NOTCH2NLC: variants seen among roughly 807,000 people sequenced by gnomAD.
The protein encoded by NOTCH2NLC is notch 2 N-terminal like C.
In NOTCH2NLC, 4 loss-of-function variants were observed where a neutral mutation model predicts 17.7. That is an observed-to-expected ratio of 0.23 (90% CI 0.11 to 0.52). The LOEUF (loss-of-function observed/expected upper bound fraction) is 0.52, where lower values mean the gene tolerates loss of function less well. Among genes scored for constraint, NOTCH2NLC ranks in the 20% least tolerant of loss-of-function variants. NOTCH2NLC has a pLI of 0.96. For synonymous variants in NOTCH2NLC, 18 were observed against 86.0 expected (o/e 0.21, Z 4.38); for missense variants, 57 against 207.2 (o/e 0.28, Z 4.45).
intron 1 of NOTCH2NLC, among the ~76,000 whole-genome samples, chr1:149,398,234 G>T (rs1299657150): frequency 1.1e-4 from 17 of 150,684 alleles, no homozygotes; most frequent in Admixed American, 8.6e-4. Flanking sequence ...AGAAGTATTA[G>T]AACTTGGCTT....
rs2084673982 is a variant in NOTCH2NLC at position 149,464,598 on chromosome 1, G to A, written c.*445G>A. On this transcript the variant is annotated 3_prime_UTR_variant, in exon 5 of 5. Coordinates refer to ENST00000650865, the MANE Select transcript of NOTCH2NLC (RefSeq NM_001364013.2). ...AGCTTGGGGCCTGGTGTTCCATGGA[G>A]AGGGAGAAAGGAACAAGCTTGGCCA... 6.4e-6 allele frequency: 1 copy of A among 156,982 alleles called. No homozygotes were observed. Among genetic ancestry groups the A allele is most frequent in the Non-Finnish European group, 1.4e-5 (1 of 71,180 alleles). 9.7% of individuals were successfully genotyped at this position (156,982 alleles called of 1,614,324 possible).
chr1:149,460,867 CTTTCTTT>C (rs2084642445), intron 3 of NOTCH2NLC, among the ~76,000 whole-genome samples: 2 of 13,594 alleles, frequency 1.5e-4, no homozygotes, highest in South Asian at 2.4e-3. Context: ...TTCTTTCTTT[CTTTCTTT>C]CTTTCTTTCT....
chr1:149,390,852 A>G lies in NOTCH2NLC; in HGVS notation c.65A>G (p.Asp22Gly). Residue 22 changes from aspartate (D) to glycine (G), a missense_variant, in exon 1 of 5, where the codon GAT (aspartate) becomes GGT (glycine). Coordinates refer to ENST00000650865, the MANE Select transcript of NOTCH2NLC (RefSeq NM_001364013.2). ...GGCGGAGGAGGCGGCGACCGAGAAGATGCCCGCCCTGCGCCGCTCTGCTGT... is the reference window on the plus strand; with the variant it reads ...GGCGGAGGAGGCGGCGACCGAGAAGGTGCCCGCCCTGCGCCGCTCTGCTGT... Reference protein sequence around the residue: ...GGGGGGGDREDARPAPLCCGR... With the variant: ...GGGGGGGDREGARPAPLCCGR... The G allele has an allele frequency of 5.8e-6, 7 of 1,206,630 alleles. 1 individual carries two copies. The highest frequency in any genetic ancestry group is 1.7e-5 in the South Asian group (1 of 57,564). The allele number at this position is 1,206,630 out of a possible 1,614,324, so 74.7% of individuals were successfully genotyped here.
chr1:149,398,088 A>G (rs1405222349), intron 1 of NOTCH2NLC, among the ~76,000 whole-genome samples: 2 of 150,832 alleles, frequency 1.3e-5, no homozygotes, highest in African/African-American at 4.9e-5. Context: ...AGTCAGGGTG[A>G]CTCGGATCTA....
Position 149,468,816 on chromosome 1 carries a change from G to A in NOTCH2NLC, c.*4663G>A, listed in dbSNP as rs1344459003. Among the ~76,000 whole-genome samples the A allele has an allele frequency of 7.1e-5, 10 of 140,858 alleles. 1 individual carries two copies. Among genetic ancestry groups the A allele is most frequent in the African/African-American group, 1.0e-4 (4 of 38,498 alleles). The allele number at this position is 140,858 out of a possible 152,430, so 92.4% of individuals were successfully genotyped here. A position where few individuals can be genotyped will look rare whatever the true frequency, so the allele number is the denominator to read the frequency against. ...GGGCGGGTGATGGAGTGGGAGATAC[G>A]TGGCACAGGGGTCAGTGAGTTAATC... On this transcript the variant is annotated 3_prime_UTR_variant, in exon 5 of 5. Transcript: ENST00000650865.
chr1:149,427,966 T>TC (rs2084422051), intron 1 of NOTCH2NLC, among the ~76,000 whole-genome samples: 1 of 64,662 alleles, frequency 1.5e-5, no homozygotes, highest in East Asian at 3.8e-4. Context: ...GCACTGTTTT[T>TC]CACAATGGTT....
rs1218677034 is a variant in NOTCH2NLC, at chr1:149,390,706, G to C, written c.-82G>C. On this transcript the variant is annotated 5_prime_UTR_variant, in exon 1 of 5. Transcript: ENST00000650865. ...GTCGAGGCATTTGCGCCTGTGCTTC[G>C]GACCGTAGCGCCAGGGCCTGAGCCT... 10 of 1,244,858 alleles carry C rather than the reference G, an allele frequency of 8.0e-6. 1 individual carries two copies. The African/African-American group carries it at 1.1e-4, about 14-fold the overall frequency. 77.1% of individuals were successfully genotyped at this position (1,244,858 alleles called of 1,614,324 possible).
intron 1 of NOTCH2NLC, among the ~76,000 whole-genome samples, chr1:149,395,449 G>C (rs1329691888): frequency 7.0e-6 from 1 of 142,474 alleles, no homozygotes; most frequent in African/African-American, 2.6e-5. Context: ...ATTTCTTTGT[G>C]TGTGGGGTTT....
chr1:149,421,192 TA>T (rs1340675618), intron 1 of NOTCH2NLC, among the ~76,000 whole-genome samples: 1 of 121,396 alleles, frequency 8.2e-6, no homozygotes, highest in African/African-American at 3.2e-5. Flanking sequence ...ATTAAGGACT[TA>T]AAAAAACTAA....
Position 149,433,998 on chromosome 1 carries a change from C to T in NOTCH2NLC, c.209+2983C>T, listed in dbSNP as rs1329105740. Among the ~76,000 whole-genome samples, 69 of 142,094 alleles carry T rather than the reference C, an allele frequency of 4.9e-4. 1 individual carries two copies. Among genetic ancestry groups the T allele is most frequent in the African/African-American group, 1.5e-3 (58 of 38,724 alleles). The allele number at this position is 142,094 out of a possible 152,430, so 93.2% of individuals were successfully genotyped here. On this transcript the variant is annotated intron_variant, in intron 2 of 4. Transcript: ENST00000650865. ...GCTGCCTAAATTCTGTCCCTGGCTA[C>T]TTGTTAATTGTTGATAGGATGGAAT...
chr1:149,428,872 C>T lies in NOTCH2NLC; in HGVS notation c.136-2070C>T, dbSNP rs1403430883. On this transcript the variant is annotated intron_variant, in intron 1 of 4. Coordinates refer to ENST00000650865, the MANE Select transcript of NOTCH2NLC (RefSeq NM_001364013.2). ...ACAGGGCATTCCTTTCCTACTGTGA[C>T]GGTTTTATTTATTTATTATTTTATT... 7.0e-4 allele frequency among the ~76,000 whole-genome samples: 105 copies of T among 149,354 alleles called. 2 individuals carry two copies. Among genetic ancestry groups the T allele is most frequent in the African/African-American group, 2.0e-3 (81 of 41,014 alleles).
At chr1:149,412,830 A>AC (rs1307846578) in intron 1 of NOTCH2NLC, among the ~76,000 whole-genome samples, 4 of 145,916 alleles carry the variant, frequency 2.7e-5, no homozygotes, top group East Asian at 2.1e-4. Context: ...AAAAAAAAAA[A>AC]ACCAAGGTAA....
At chr1:149,463,139 G>T (rs1487050457) in intron 3 of NOTCH2NLC, among the ~76,000 whole-genome samples, 1 of 150,882 alleles carries the variant, frequency 6.6e-6, no homozygotes, top group Non-Finnish European at 1.5e-5. Flanking sequence ...TGGCCCGGAA[G>T]TTGATATTCA....
chr1:149,390,817 C>CGGAGGA lies in NOTCH2NLC; in HGVS notation c.32_33insAGGAGG (p.Gly17_Gly18dup). ...GGATCTGCCCAGGCGGCGGCGGCGG[C>CGGAGGA]GGCGGCGGCGGCGGAGGAGGCGGCG... On this transcript the variant is annotated inframe_insertion, in exon 1 of 5. Transcript: ENST00000650865. 3.1e-6 allele frequency: 4 copies of CGGAGGA among 1,300,868 alleles called. No homozygotes were observed. Among genetic ancestry groups the CGGAGGA allele is most frequent in the Non-Finnish European group, 3.9e-6 (4 of 1,022,614 alleles). The allele number at this position is 1,300,868 out of a possible 1,614,324, so 80.6% of individuals were successfully genotyped here. A position where few individuals can be genotyped will look rare whatever the true frequency, so the allele number is the denominator to read the frequency against.
intron 2 of NOTCH2NLC, among the ~76,000 whole-genome samples, chr1:149,446,654 G>C (rs1457612189): frequency 7.1e-6 from 1 of 141,514 alleles, no homozygotes; most frequent in Non-Finnish European, 1.5e-5. Flanking sequence ...TAAAGAAAAA[G>C]TCATAAATAT....
At chr1:149,419,960 G>A (rs1225656049) in intron 1 of NOTCH2NLC, among the ~76,000 whole-genome samples, 22 of 132,392 alleles carry the variant, frequency 1.7e-4, no homozygotes, top group African/African-American at 3.6e-4. Context: ...TCCGCCTCCC[G>A]GGTTCATGCC....
chr1:149,430,988 C>T lies in NOTCH2NLC; in HGVS notation c.182C>T (p.Thr61Ile). Reference protein sequence around the residue: ...EPCVNEGMCVTYHNGTGYCKC... With the variant: ...EPCVNEGMCVIYHNGTGYCKC... Reference sequence around the variant, plus strand: ...TGTGTAAATGAAGGAATGTGTGTTACCTACCACAATGGCACAGGATACTGC... The same window carrying T: ...TGTGTAAATGAAGGAATGTGTGTTATCTACCACAATGGCACAGGATACTGC... The change falls in exon 2 of 5, where the codon ACC (threonine) becomes ATC (isoleucine). Residue 61 changes from threonine to isoleucine, a missense_variant. Thr to Ile is a moderately conservative substitution (Grantham distance 89). This residue lies in a region of NOTCH2NLC where 18 missense variants were observed against 17.2 expected (regional missense o/e 1.05). Transcript: ENST00000650865. The T allele has an allele frequency of 2.4e-6, 1 of 414,000 alleles. No homozygotes were observed. The highest frequency in any genetic ancestry group is 2.3e-5 in the South Asian group (1 of 42,978). 25.6% of individuals were successfully genotyped at this position (414,000 alleles called of 1,614,324 possible). A position where few individuals can be genotyped will look rare whatever the true frequency, so the allele number is the denominator to read the frequency against.
chr1:149,423,126 G>A (rs2084386782), intron 1 of NOTCH2NLC, among the ~76,000 whole-genome samples: 1 of 144,084 alleles, frequency 6.9e-6, no homozygotes, highest in African/African-American at 2.6e-5. Flanking sequence ...ATCTGGATCT[G>A]ATACTAGCAT....
chr1:149,471,137 G>A lies in NOTCH2NLC; in HGVS notation c.*6984G>A, dbSNP rs1194007566. Among the ~76,000 whole-genome samples, 3 of 149,014 alleles carry A rather than the reference G, an allele frequency of 2.0e-5. No homozygotes were observed. Among genetic ancestry groups the A allele is most frequent in the Non-Finnish European group, 3.0e-5 (2 of 66,904 alleles). Reference sequence around the variant, plus strand: ...TATGTATCTTCTTTGGAGAATGTCTGTTCAGATCCTTTACCTACTTTATAA... The same window carrying A: ...TATGTATCTTCTTTGGAGAATGTCTATTCAGATCCTTTACCTACTTTATAA... On this transcript the variant is annotated 3_prime_UTR_variant, in exon 5 of 5. Transcript: ENST00000650865.
Sources: allele counts gnomAD v4.1 joint callset (sites outside exome capture counted in the v4.1 genomes callset), GRCh38; gene constraint gnomAD v4.1.1; regional missense constraint gnomAD v4.1.1; transcripts MANE v1.5; gene names NCBI Gene and HGNC (gene_info 2026-07-23, HGNC 2026-07-21).